Variants in PARVA observed in about 807,000 individuals in gnomAD.
PARVA encodes alpha-parvin.
A neutral mutation model predicts 52.6 loss-of-function variants in PARVA; 25 were observed. The ratio of observed to expected loss-of-function variants is 0.48; its 90% confidence interval spans 0.35 to 0.66. The LOEUF (loss-of-function observed/expected upper bound fraction) is 0.66. Among genes scored for constraint, PARVA ranks in the 30% least tolerant of loss-of-function variants. The pLI is 0.01. For synonymous variants in PARVA, 185 were observed against 179.1 expected, an observed-to-expected ratio of 1.03 and a Z score of -0.26; for missense variants, 373 against 450.9, an observed-to-expected ratio of 0.83 and a Z score of 1.56.
chr11:12,470,575 T>G (rs10831828), intron 1 of PARVA, among the ~76,000 whole-genome samples: 41,092 of 152,056 alleles, frequency 0.27, 6,866 homozygotes, highest in Non-Finnish European at 0.38. Context: ...GATCTAATAG[T>G]GAACAAAAGA....
chr11:12,408,365 G>A (rs1355359169), intron 1 of PARVA, among the ~76,000 whole-genome samples: 1 of 152,200 alleles, frequency 6.6e-6, no homozygotes, highest in African/African-American at 2.4e-5. Context: ...TCGGTTGGCT[G>A]AGCTGCAGAC....
chr11:12,405,692 C>T (rs769187059), intron 1 of PARVA, among the ~76,000 whole-genome samples: 33 of 152,196 alleles, frequency 2.2e-4, no homozygotes, highest in Non-Finnish European at 4.4e-4. Flanking sequence ...CACAGTGGCT[C>T]ACCCCTGTAA....
At chr11:12,428,029 A>G (rs1302762091) in intron 1 of PARVA, among the ~76,000 whole-genome samples, 1 of 152,158 alleles carries the variant, frequency 6.6e-6, no homozygotes, top group African/African-American at 2.4e-5. Flanking sequence ...AAGTCTCCCC[A>G]TTTGTGGAGA....
intron 10 of PARVA, 102 bp from the exon 11 acceptor site, chr11:12,517,508 T>C: frequency 2.4e-6 from 2 of 823,738 alleles, no homozygotes; most frequent in South Asian, 1.5e-5. Flanking sequence ...CTGGCTGGGG[T>C]GGTAGGCTTC....
chr11:12,471,082 T>C (rs1210671232), intron 1 of PARVA, among the ~76,000 whole-genome samples: 1 of 152,234 alleles, frequency 6.6e-6, no homozygotes, highest in Admixed American at 6.5e-5. Context: ...TTAAGAGTGA[T>C]TCCTCGGAGC....
intron 1 of PARVA, among the ~76,000 whole-genome samples, chr11:12,458,292 C>G (rs1255977838): frequency 6.6e-6 from 1 of 152,198 alleles, no homozygotes; most frequent in African/African-American, 2.4e-5. Flanking sequence ...CAGGAGTTTT[C>G]TCAGGACAGT....
At chr11:12,449,147 T>C (rs1304467923) in intron 1 of PARVA, among the ~76,000 whole-genome samples, 3 of 151,828 alleles carry the variant, frequency 2.0e-5, no homozygotes, top group African/African-American at 7.2e-5. Context: ...TATTTATTTA[T>C]TTATTTTTAT....
chr11:12,377,865 G>C, intron 1 of PARVA, 82 bp downstream of exon 1: 1 of 1,011,142 alleles, frequency 9.9e-7, no homozygotes, highest in East Asian at 3.7e-5. Flanking sequence ...CTGGGACCGG[G>C]CGGGAGCGCG....
chr11:12,377,475 A>C, upstream of PARVA: 1 of 1,397,734 alleles, frequency 7.2e-7, no homozygotes, highest in Non-Finnish European at 9.3e-7. Context: ...GGCGCGAGGG[A>C]GGGAGCGAGG....
chr11:12,425,298 T>A (rs1206382554), intron 1 of PARVA, among the ~76,000 whole-genome samples: 2 of 152,194 alleles, frequency 1.3e-5, no homozygotes, highest in Non-Finnish European at 2.9e-5. Flanking sequence ...CTAGGCAACA[T>A]GCTGGAGGAT....
chr11:12,478,537 CTG>C (rs2135041831), intron 4 of PARVA: 1 of 172,808 alleles, frequency 5.8e-6, no homozygotes, highest in South Asian at 1.4e-4. Context: ...CCTAATCTAA[CTG>C]TGGCCCAAAC....
intron 5 of PARVA, 110 bp downstream of exon 5, chr11:12,496,708 A>T: frequency 9.7e-7 from 1 of 1,032,762 alleles, no homozygotes; most frequent in Non-Finnish European, 1.4e-6. Flanking sequence ...GGAGGGGGTC[A>T]AACTCATTTA....
chr11:12,464,191 A>T (rs1357803805), intron 1 of PARVA, among the ~76,000 whole-genome samples: 1 of 152,134 alleles, frequency 6.6e-6, no homozygotes, highest in Non-Finnish European at 1.5e-5. Context: ...ACAGTAAGGA[A>T]ATATATGTGT....
At chr11:12,428,654 A>G (rs1377108221) in intron 1 of PARVA, among the ~76,000 whole-genome samples, 3 of 152,188 alleles carry the variant, frequency 2.0e-5, no homozygotes, top group Non-Finnish European at 4.4e-5. Context: ...TGCGTGTCTG[A>G]ATCCCTGATT....
chr11:12,422,079 A>G (rs1020065058), intron 1 of PARVA, among the ~76,000 whole-genome samples: 1 of 152,176 alleles, frequency 6.6e-6, no homozygotes, highest in Non-Finnish European at 1.5e-5. Flanking sequence ...AATGTTTTGC[A>G]TTTAGGGTTC....
At chr11:12,483,835 A>G (rs1941121913) in intron 4 of PARVA, among the ~76,000 whole-genome samples, 1 of 152,180 alleles carries the variant, frequency 6.6e-6, no homozygotes, top group Admixed American at 6.5e-5. Flanking sequence ...TTCATGACAT[A>G]CACTTCATCC....
intron 1 of PARVA, among the ~76,000 whole-genome samples, chr11:12,382,746 C>A (rs1939511263): frequency 6.6e-6 from 1 of 152,130 alleles, no homozygotes; most frequent in Admixed American, 6.5e-5. Flanking sequence ...CTGGTTCAAC[C>A]CCTTATTCAT....
chr11:12,456,131 G>A (rs1564851498), intron 1 of PARVA, among the ~76,000 whole-genome samples: 2 of 152,236 alleles, frequency 1.3e-5, no homozygotes, highest in South Asian at 2.1e-4. Flanking sequence ...ATTCCACTAG[G>A]TCATCACTGG....
chr11:12,392,925 G>GA (rs1394501672), intron 1 of PARVA, among the ~76,000 whole-genome samples: 1 of 151,306 alleles, frequency 6.6e-6, no homozygotes, highest in East Asian at 2.0e-4. Context: ...TCATCTTGCA[G>GA]AATGGCTGTG....
Sources: gnomAD v4.1 joint callset for allele counts (sites outside exome capture counted in the v4.1 genomes callset) on GRCh38, gnomAD v4.1.1 for gene constraint, MANE v1.5 for transcripts, NCBI Gene and HGNC (gene_info 2026-07-23, HGNC 2026-07-21) for gene names.